The following JAM3 variants were observed in gnomAD, a reference collection of about 807,000 sequenced individuals.
JAM3 encodes the protein junctional adhesion molecule C.
Under a neutral mutation model 39.4 loss-of-function variants are expected in JAM3, and 31 were observed. That is an observed-to-expected ratio of 0.79 (90% CI 0.59 to 1.06). The LOEUF (loss-of-function observed/expected upper bound fraction) is 1.06, where lower values mean the gene tolerates loss of function less well. JAM3 is among the 50% of genes least tolerant of loss of function. The probability of loss-of-function intolerance (pLI) is 0.00; values close to 1 mark genes in which losing one functional copy is unlikely to be tolerated. For missense variants in JAM3, 455 were observed against 391.4 expected (o/e 1.16, Z -1.37); for synonymous variants, 182 against 148.7 (o/e 1.22, Z -1.63).
intron 1 of JAM3, among the ~76,000 whole-genome samples, chr11:134,115,561 T>C (rs1256986488): frequency 6.6e-6 from 1 of 152,132 alleles, no homozygotes; most frequent in South Asian, 2.1e-4. Flanking sequence ...AAGTCTTCAA[T>C]TTGAGTTTAT....
chr11:134,094,564 G>A (rs544502), intron 1 of JAM3, among the ~76,000 whole-genome samples: 10 of 76,812 alleles, frequency 1.3e-4, no homozygotes, highest in South Asian at 4.9e-4. Flanking sequence ...CTTCTCCTGA[G>A]CCCTCCTTAT....
intron 1 of JAM3, chr11:134,124,367 T>A: frequency 1.0e-5 from 7 of 680,670 alleles, no homozygotes; most frequent in Non-Finnish European, 1.9e-5. Context: ...GTGAGTGTGA[T>A]GGGAAAAGTG....
chr11:134,141,796 G>C (rs569267599), intron 3 of JAM3, among the ~76,000 whole-genome samples: 110 of 152,194 alleles, frequency 7.2e-4, no homozygotes, highest in Non-Finnish European at 1.4e-3. Context: ...CTGGAGAGGA[G>C]GATGGCATCC....
intron 1 of JAM3, among the ~76,000 whole-genome samples, chr11:134,111,763 A>G (rs753358886): frequency 2.0e-5 from 3 of 152,244 alleles, no homozygotes; most frequent in Non-Finnish European, 4.4e-5. Flanking sequence ...CCATATAAAC[A>G]ATAAAAAGGG....
chr11:134,105,642 A>G (rs1372427281), intron 1 of JAM3, among the ~76,000 whole-genome samples: 1 of 152,244 alleles, frequency 6.6e-6, no homozygotes, highest in East Asian at 1.9e-4. Context: ...CTAATAAGCA[A>G]CTTCAGCAAA....
chr11:134,092,378 A>T (rs1941880463), intron 1 of JAM3, among the ~76,000 whole-genome samples: 1 of 75,540 alleles, frequency 1.3e-5, no homozygotes. Context: ...TCACTTCCTG[A>T]GGGAAGCTTC....
intron 1 of JAM3, among the ~76,000 whole-genome samples, chr11:134,104,462 GA>G (rs1942141817): frequency 6.6e-6 from 1 of 152,056 alleles, no homozygotes; most frequent in African/African-American, 2.4e-5. Context: ...AGAAGCAAGA[GA>G]AAACAAATTC....
intron 1 of JAM3, among the ~76,000 whole-genome samples, chr11:134,132,427 G>A (rs758329631): frequency 6.6e-6 from 1 of 152,110 alleles, no homozygotes; most frequent in Non-Finnish European, 1.5e-5. Context: ...ATATGAAAGG[G>A]AGACCCGCAG....
chr11:134,137,112 C>CA (rs1167572520), intron 1 of JAM3, among the ~76,000 whole-genome samples: 2,696 of 85,026 alleles, frequency 0.032, 26 homozygotes, highest in African/African-American at 0.054. Flanking sequence ...GACTCTGTCT[C>CA]AAAAAAAAAA....
At chr11:134,090,137 C>G (rs1214562784) in intron 1 of JAM3, among the ~76,000 whole-genome samples, 5 of 152,218 alleles carry the variant, frequency 3.3e-5, no homozygotes, top group African/African-American at 1.2e-4. Flanking sequence ...ATGTCCTTTG[C>G]CCACTTTTTG....
intron 1 of JAM3, among the ~76,000 whole-genome samples, chr11:134,103,127 C>T (rs1942108629): frequency 6.6e-6 from 1 of 152,192 alleles, no homozygotes; most frequent in African/African-American, 2.4e-5. Flanking sequence ...GTCAGGTTAT[C>T]CACAAAGTGA....
At chr11:134,125,426 TC>T (rs2120793594) in intron 1 of JAM3, among the ~76,000 whole-genome samples, 1 of 152,336 alleles carries the variant, frequency 6.6e-6, no homozygotes, top group African/African-American at 2.4e-5. Flanking sequence ...TTCGTACAGA[TC>T]CTCTTCCCAC....
intron 1 of JAM3, among the ~76,000 whole-genome samples, chr11:134,129,256 A>G (rs995349960): frequency 1.3e-5 from 2 of 151,802 alleles, no homozygotes; most frequent in African/African-American, 2.4e-5. Flanking sequence ...AGATGGGACT[A>G]TAGGCACCCG....
chr11:134,125,216 G>A (rs1942622977), intron 1 of JAM3, among the ~76,000 whole-genome samples: 1 of 152,156 alleles, frequency 6.6e-6, no homozygotes, highest in African/African-American at 2.4e-5. Context: ...AGCAGCTCCC[G>A]CCCCCTCTTC....
chr11:134,122,427 C>T (rs1276937076), intron 1 of JAM3, among the ~76,000 whole-genome samples: 2 of 152,206 alleles, frequency 1.3e-5, no homozygotes, highest in Non-Finnish European at 2.9e-5. Flanking sequence ...CTGATCGTAA[C>T]TGCCTTCCAC....
At chr11:134,109,810 A>G (rs1213208763) in intron 1 of JAM3, among the ~76,000 whole-genome samples, 2 of 152,240 alleles carry the variant, frequency 1.3e-5, no homozygotes, top group Non-Finnish European at 2.9e-5. Flanking sequence ...TAAATACTTT[A>G]CATAAGATAA....
rs1230739047 is a variant in JAM3, at chr11:134,148,668, T to G, written c.834T>G (p.Asp278Glu). The G allele has an allele frequency of 1.2e-6, 2 of 1,614,048 alleles. No homozygotes were observed. Among genetic ancestry groups the G allele is most frequent in the Non-Finnish European group, 1.7e-6 (2 of 1,180,010 alleles). Reference protein sequence around the residue: ...RRGYFINNKQDGESYKNPGKP... With the variant: ...RRGYFINNKQEGESYKNPGKP... ...GCTACTTCATCAACAATAAACAGGA[T>G]GGAGAAAGGTGAGCCTGCCTTATGT... The change falls in exon 7 of 9, where the codon GAT becomes GAG. Residue 278 changes from aspartate (D) to glutamate (E), a missense_variant. Coordinates refer to ENST00000299106, the MANE Select transcript of JAM3 (RefSeq NM_032801.5).
At chr11:134,126,054 T>A (rs1390797828) in intron 1 of JAM3, among the ~76,000 whole-genome samples, 1 of 152,190 alleles carries the variant, frequency 6.6e-6, no homozygotes. Context: ...TGGCTCCTCA[T>A]ATGTGAAAAT....
intron 1 of JAM3, among the ~76,000 whole-genome samples, chr11:134,095,763 C>G (rs909164799): frequency 6.6e-6 from 1 of 152,156 alleles, no homozygotes; most frequent in Non-Finnish European, 1.5e-5. Flanking sequence ...TGACCACTTA[C>G]TAAATAGGGG....
Sources: allele counts gnomAD v4.1 joint callset (sites outside exome capture counted in the v4.1 genomes callset), GRCh38; gene constraint gnomAD v4.1.1; transcripts MANE v1.5; gene names NCBI Gene and HGNC (gene_info 2026-07-23, HGNC 2026-07-21).